RAB3B: variants seen among roughly 807,000 people sequenced by gnomAD.
The protein encoded by RAB3B is RAB3B, member RAS oncogene family, also known as ras-related protein Rab-3B.
In RAB3B, 11 loss-of-function variants were observed where a neutral mutation model predicts 20.5. That is an observed-to-expected ratio of 0.54 (90% CI 0.34 to 0.89). RAB3B has a LOEUF of 0.89. Among genes scored for constraint, RAB3B ranks in the 40% least tolerant of loss-of-function variants. RAB3B has a pLI of 0.02. For missense variants in RAB3B, 225 were observed against 280.9 expected, an observed-to-expected ratio of 0.80 and a Z score of 1.42; for synonymous variants, 99 against 106.3, an observed-to-expected ratio of 0.93 and a Z score of 0.42.
At chr1:51,937,093 C>T (rs935502439) in intron 3 of RAB3B, among the ~76,000 whole-genome samples, 20 of 151,948 alleles carry the variant, frequency 1.3e-4, no homozygotes, top group Admixed American at 1.1e-3. Context: ...GGATTACAGG[C>T]GTGAGCCACT....
chr1:51,952,467 C>T (rs888572811), intron 2 of RAB3B, among the ~76,000 whole-genome samples: 2 of 151,982 alleles, frequency 1.3e-5, no homozygotes, highest in Non-Finnish European at 2.9e-5. Context: ...ATGTATGTGG[C>T]ATATCTTAGG....
At position 51,959,459 on chromosome 1, in the gene RAB3B, C is replaced by T. The variant is rs752329664; in HGVS notation, c.228+17431G>A. On this transcript the variant is annotated intron_variant, in intron 2 of 4. Coordinates refer to ENST00000371655, the MANE Select transcript of RAB3B (RefSeq NM_002867.4). ...CCCAGGAGGTCGAGGCTGCAGTGAG[C>T]CATGTTCACACCACTGCACTCCAGC... 6.0e-4 allele frequency among the ~76,000 whole-genome samples: 91 copies of T among 152,266 alleles called. 3 individuals carry two copies. The highest frequency in any genetic ancestry group is 1.6e-4 in the Non-Finnish European group (11 of 68,022).
rs1557961039 is a variant in RAB3B at position 51,920,092 on chromosome 1, A to C, written c.495T>G (p.Ser165Arg). ...GCCTTACACTGATGTTCTCCTTTGC[A>C]CTGGCTTCAAAGAAATCAAACCCTG... ...EQLGFDFFEA[S>R]AKENISVRQA... Residue 165 changes from serine to arginine, a missense_variant, in exon 5 of 5, where the codon AGT becomes AGG. Ser to Arg is a moderately radical substitution (Grantham distance 110). Transcript: ENST00000371655. The C allele has an allele frequency of 6.2e-7, 1 of 1,612,234 alleles. No homozygotes were observed. The highest frequency in any genetic ancestry group is 8.5e-7 in the Non-Finnish European group (1 of 1,178,850).
chr1:51,969,478 G>A (rs143301397), intron 2 of RAB3B, among the ~76,000 whole-genome samples: 5 of 152,264 alleles, frequency 3.3e-5, no homozygotes, highest in Admixed American at 6.5e-5. Flanking sequence ...AATGGTGTAC[G>A]GGCTAATTAT....
chr1:51,933,815 G>A (rs1684360118), intron 3 of RAB3B, among the ~76,000 whole-genome samples: 1 of 152,200 alleles, frequency 6.6e-6, no homozygotes, highest in Non-Finnish European at 1.5e-5. Context: ...AACTGACCAA[G>A]ACACATACCC....
intron 2 of RAB3B, among the ~76,000 whole-genome samples, chr1:51,958,287 C>G (rs539021476): frequency 2.0e-5 from 3 of 152,276 alleles, no homozygotes; most frequent in African/African-American, 4.8e-5. Flanking sequence ...AAGTACAACC[C>G]TTTACCCTCT....
At chr1:51,967,206 G>C (rs1465926500) in intron 2 of RAB3B, among the ~76,000 whole-genome samples, 1 of 152,022 alleles carries the variant, frequency 6.6e-6, no homozygotes, top group Admixed American at 6.6e-5. Context: ...CCAGCTATTC[G>C]GGAGGCTGAG....
At chr1:51,959,212 G>A (rs1684752877) in intron 2 of RAB3B, among the ~76,000 whole-genome samples, 1 of 152,120 alleles carries the variant, frequency 6.6e-6, no homozygotes, top group African/African-American at 2.4e-5. Flanking sequence ...TCAAATGGGA[G>A]TTTGCTGATA....
intron 1 of RAB3B, among the ~76,000 whole-genome samples, chr1:51,978,814 G>A (rs763651408): frequency 6.6e-6 from 1 of 152,188 alleles, no homozygotes; most frequent in African/African-American, 2.4e-5. Context: ...CAAAGAAAGG[G>A]CATGAGGCTG....
At chr1:51,936,558 C>T (rs951226846) in intron 3 of RAB3B, among the ~76,000 whole-genome samples, 2 of 152,188 alleles carry the variant, frequency 1.3e-5, no homozygotes, top group African/African-American at 4.8e-5. Flanking sequence ...CACACAAAAC[C>T]CTTCATGACC....
At chr1:51,985,743 T>C (rs1243332205) in intron 1 of RAB3B, among the ~76,000 whole-genome samples, 2 of 152,066 alleles carry the variant, frequency 1.3e-5, no homozygotes, top group Non-Finnish European at 2.9e-5. Context: ...AGTGAGAAAT[T>C]TGCCTGCCTT....
In RAB3B at chr1:51,920,093, C is replaced by T; in HGVS notation, c.494G>A (p.Ser165Asn). ...CCTTACACTGATGTTCTCCTTTGCA[C>T]TGGCTTCAAAGAAATCAAACCCTGG... Reference protein sequence around the residue: ...EQLGFDFFEASAKENISVRQA... With the variant: ...EQLGFDFFEANAKENISVRQA... Residue 165 changes from serine to asparagine, a missense_variant, in exon 5 of 5, where the codon AGT becomes AAT. By Grantham distance (46) the Ser-to-Asn change is conservative (BLOSUM62 1). Transcript: ENST00000371655. 6.2e-7 allele frequency: 1 copy of T among 1,612,180 alleles called. No homozygotes were observed. The highest frequency in any genetic ancestry group is 8.5e-7 in the Non-Finnish European group (1 of 1,178,740).
chr1:51,973,578 G>A (rs1171945879), intron 2 of RAB3B: 2 of 152,096 alleles, frequency 1.3e-5, no homozygotes, highest in East Asian at 3.9e-4. Flanking sequence ...GTTGGGAGTT[G>A]GAAAAACACC....
chr1:51,940,473 G>A (rs570103252), intron 2 of RAB3B, among the ~76,000 whole-genome samples: 62 of 152,126 alleles, frequency 4.1e-4, no homozygotes, highest in Middle Eastern at 6.8e-3. Context: ...AAATACAAAA[G>A]TTAGCCAGGT....
In RAB3B at chr1:51,913,735, G is replaced by A. The variant is rs1286015067; in HGVS notation, c.*6192C>T. 6.6e-6 allele frequency: 1 copy of A among 152,200 alleles called. No homozygotes were observed. The highest frequency in any genetic ancestry group is 1.5e-5 in the Non-Finnish European group (1 of 68,074). The allele number at this position is 152,200 out of a possible 1,614,324, so 9.4% of individuals were successfully genotyped here. ...GATCCGCATGCCTTGGCCTCCCAAA[G>A]TGCTGGGATTACAGACATGAGCCAC... On this transcript the variant is annotated 3_prime_UTR_variant, in exon 5 of 5. Coordinates refer to ENST00000371655, the MANE Select transcript of RAB3B (RefSeq NM_002867.4).
chr1:51,968,487 G>A (rs1005666708), intron 2 of RAB3B, among the ~76,000 whole-genome samples: 2 of 152,138 alleles, frequency 1.3e-5, no homozygotes, highest in African/African-American at 4.8e-5. Flanking sequence ...TTAATTCCTG[G>A]AGAGCAGGGA....
intron 1 of RAB3B, among the ~76,000 whole-genome samples, chr1:51,985,872 G>A (rs1034382820): frequency 6.6e-6 from 1 of 151,784 alleles, no homozygotes; most frequent in Non-Finnish European, 1.5e-5. Context: ...AAAAAATTGA[G>A]GCTCTGCAAA....
intron 1 of RAB3B, among the ~76,000 whole-genome samples, chr1:51,990,317 C>G (rs1208552132): frequency 2.9e-5 from 4 of 139,892 alleles, no homozygotes; most frequent in African/African-American, 1.1e-4. Context: ...TTCTTGCTCC[C>G]CTCCCGCCCT....
At chr1:51,944,362 T>A (rs1684535143) in intron 2 of RAB3B, among the ~76,000 whole-genome samples, 2 of 152,220 alleles carry the variant, frequency 1.3e-5, no homozygotes, top group African/African-American at 2.4e-5. Context: ...CTGATGGAGA[T>A]ATACAAGGAG....
Sources: allele counts gnomAD v4.1 joint callset (sites outside exome capture counted in the v4.1 genomes callset), GRCh38; gene constraint gnomAD v4.1.1; transcripts MANE v1.5; gene names NCBI Gene and HGNC (gene_info 2026-07-23, HGNC 2026-07-21).